Variants in MAGED1 observed in about 807,000 individuals in gnomAD.
MAGED1 encodes MAGE family member D1.
In MAGED1, 3 loss-of-function variants were observed where a neutral mutation model predicts 54.1. The ratio of observed to expected loss-of-function variants is 0.06; its 90% CI spans 0.03 to 0.14. MAGED1 has a LOEUF of 0.14. Among genes scored for constraint, MAGED1 ranks in the 10% least tolerant of loss-of-function variants. The pLI is 1.00. For missense variants in MAGED1, 485 were observed against 623.4 expected, an observed-to-expected ratio of 0.78 and a Z score of 2.36; for synonymous variants, 217 against 227.3, an observed-to-expected ratio of 0.95 and a Z score of 0.41.
At chrX:51,847,295 A>G (rs1926721701) in intron 1 of MAGED1, among the ~76,000 whole-genome samples, 1 of 111,824 alleles carries the variant, frequency 8.9e-6, no homozygotes, top group African/African-American at 3.3e-5. Flanking sequence ...GTTTTTGGAC[A>G]TATACCCCTA....
At chrX:51,894,248 C>G in intron 1 of MAGED1, 21 bp from the exon 2 acceptor site, 1 of 1,016,322 alleles carries the variant, frequency 9.8e-7, no homozygotes, top group Non-Finnish European at 1.4e-6. Context: ...TGTAGTATAA[C>G]GCCCTGCCCC....
intron 7 of MAGED1, 21 bp downstream of exon 7, chrX:51,897,907 G>C: frequency 1.8e-6 from 2 of 1,126,436 alleles, no homozygotes; most frequent in Non-Finnish European, 2.4e-6. Flanking sequence ...AAAGAAGGTG[G>C]AACATGGCCT....
intron 1 of MAGED1, among the ~76,000 whole-genome samples, chrX:51,838,889 CT>C (rs1234616510): frequency 9.2e-6 from 1 of 108,868 alleles, no homozygotes; most frequent in African/African-American, 3.3e-5. Context: ...TTTCAAATTG[CT>C]TTTTTTTTCT....
intron 10 of MAGED1, chrX:51,898,849 C>G: frequency 2.7e-6 from 1 of 364,730 alleles, no homozygotes; most frequent in South Asian, 5.5e-5. Context: ...CAAAAAAATA[C>G]AAAAATTAGC....
At chrX:51,901,969 G>C (rs35860208) in intron 12 of MAGED1, 31 bp downstream of exon 12, 157,153 of 1,154,987 alleles carry the variant, frequency 0.14, 7,526 homozygotes, top group Middle Eastern at 0.15. Flanking sequence ...TGGGCAGTTA[G>C]GGTCTCTGGG....
intron 1 of MAGED1, among the ~76,000 whole-genome samples, chrX:51,829,812 G>A (rs992411243): frequency 5.4e-5 from 6 of 111,570 alleles, no homozygotes; most frequent in Non-Finnish European, 1.1e-4. Context: ...GACAATACCT[G>A]GTATTGGCGT....
intron 5 of MAGED1, 41 bp from the exon 6 acceptor site, chrX:51,897,506 G>A (rs370437709): frequency 1.3e-5 from 14 of 1,061,824 alleles, no homozygotes; most frequent in African/African-American, 3.7e-5. Flanking sequence ...CTGCTCTGTG[G>A]CCCCCGCTCG....
chrX:51,823,563 CT>C (rs1360217455), intron 1 of MAGED1, among the ~76,000 whole-genome samples: 3 of 111,414 alleles, frequency 2.7e-5, no homozygotes, highest in Non-Finnish European at 5.7e-5. Flanking sequence ...TGGGCCATAA[CT>C]TTTTTTGTCG....
chrX:51,854,579 A>C (rs1927016015), intron 1 of MAGED1, among the ~76,000 whole-genome samples: 1 of 111,597 alleles, frequency 9.0e-6, no homozygotes, highest in East Asian at 2.8e-4. Context: ...TAACTCTAAA[A>C]TGTTGGGCAA....
intron 1 of MAGED1, among the ~76,000 whole-genome samples, chrX:51,840,276 A>G (rs1557358331): frequency 2.7e-5 from 3 of 111,291 alleles, no homozygotes; most frequent in African/African-American, 9.8e-5. Flanking sequence ...GTAAGTGAAT[A>G]AATATTTAAA....
chrX:51,817,994 C>T lies in MAGED1; in HGVS notation c.-37+14877C>T, dbSNP rs782005120. On this transcript the variant is annotated intron_variant, in intron 1 of 12. Coordinates refer to the MAGED1 transcript ENST00000375772. ...AAATCAGTTCATCTTGAATGGGGGTCCCCTCCAACAAGAGGTTCTAGAATC... is the reference window on the plus strand; with the variant it reads ...AAATCAGTTCATCTTGAATGGGGGTTCCCTCCAACAAGAGGTTCTAGAATC... Among the ~76,000 whole-genome samples, 399 of 111,773 alleles carry T rather than the reference C, an allele frequency of 3.6e-3. 1 individual carries two copies. The highest frequency in any genetic ancestry group is 9.2e-3 in the Middle Eastern group (2 of 217).
Position 51,853,484 on chromosome X carries a change from ATTGTT to A in MAGED1, c.-36-40784_-36-40780del, listed in dbSNP as rs1926967710. Among the ~76,000 whole-genome samples, 3 of 111,610 alleles carry A rather than the reference ATTGTT, an allele frequency of 2.7e-5. No individual in the cohort carries two copies. In the South Asian group the frequency reaches 1.1e-3, roughly 42 times the overall value. ...GGGTAGCCCTTTGAGGTCCCAGCTC[ATTGTT>A]GGGAATGTCTCCTCTTAGTTTTCCC... On this transcript the variant is annotated intron_variant, in intron 1 of 12. Coordinates refer to the MAGED1 transcript ENST00000375772.
chrX:51,869,587 C>T (rs1927582260), intron 1 of MAGED1, among the ~76,000 whole-genome samples: 1 of 110,204 alleles, frequency 9.1e-6, no homozygotes, highest in African/African-American at 3.3e-5. Context: ...ACAGGGTATC[C>T]GCCGGGTGCG....
At chrX:51,842,925 G>A (rs1407573111) in intron 1 of MAGED1, among the ~76,000 whole-genome samples, 3 of 109,859 alleles carry the variant, frequency 2.7e-5, no homozygotes, top group Admixed American at 9.7e-5. Flanking sequence ...TAACTCCTGA[G>A]TTCAAGTGAT....
At chrX:51,879,787 GTGAT>G (rs1272748462) in intron 1 of MAGED1, among the ~76,000 whole-genome samples, 1 of 112,135 alleles carries the variant, frequency 8.9e-6, no homozygotes, top group Non-Finnish European at 1.9e-5. Flanking sequence ...GTCCAAAAAA[GTGAT>G]TGATTTTTAG....
At position 51,876,677 on chromosome X, in the gene MAGED1, T is replaced by A. The variant is rs147455023; in HGVS notation, c.-36-17592T>A. ...GAATGAATACCAGTAGCATGACTAG[T>A]ATGCTCTCCCCATGTAAGGCCCGTA... On this transcript the variant is annotated intron_variant, in intron 1 of 12. Transcript: ENST00000375772. Among the ~76,000 whole-genome samples the A allele has an allele frequency of 4.0e-3, 446 of 111,749 alleles. 4 individuals carry two copies. Among genetic ancestry groups the A allele is most frequent in the African/African-American group, 0.013 (415 of 30,840 alleles).
chrX:51,872,002 G>T (rs1208758358), intron 1 of MAGED1, among the ~76,000 whole-genome samples: 2 of 112,002 alleles, frequency 1.8e-5, no homozygotes, highest in Non-Finnish European at 3.8e-5. Context: ...TTGTGGTTTT[G>T]ATTTGCATTT....
intron 3 of MAGED1, chrX:51,896,164 C>A (rs1928739532): frequency 2.4e-6 from 1 of 419,521 alleles, no homozygotes; most frequent in African/African-American, 2.5e-5. Flanking sequence ...GTGGTACAGG[C>A]AGAACCAGTG....
chrX:51,896,242 A>C, intron 3 of MAGED1, 167 bp from the exon 4 acceptor site: 1 of 473,883 alleles, frequency 2.1e-6, no homozygotes, highest in East Asian at 3.7e-5. Context: ...CTCGGAGATG[A>C]AACTCCTGCC....
Sources: gnomAD v4.1 joint callset for allele counts (sites outside exome capture counted in the v4.1 genomes callset) on GRCh38, gnomAD v4.1.1 for gene constraint, MANE v1.5 for transcripts, NCBI Gene and HGNC (gene_info 2026-07-23, HGNC 2026-07-21) for gene names.